Variants in FNIP2 observed in about 807,000 individuals in gnomAD.
FNIP2 encodes folliculin interacting protein 2.
FNIP2 carries 32 observed loss-of-function variants against 108.7 expected under a neutral mutation model. The observed-to-expected ratio is 0.29, with a 90% CI of 0.22 to 0.40. FNIP2 has a LOEUF of 0.40. Among genes scored for constraint, FNIP2 ranks in the 10% least tolerant of loss-of-function variants. FNIP2 has a pLI of 1.00. For synonymous variants in FNIP2, 480 were observed against 496.7 expected (o/e 0.97, Z 0.45); for missense variants, 1,202 against 1,381.6 (o/e 0.87, Z 2.06).
intron 14 of FNIP2, among the ~76,000 whole-genome samples, chr4:158,878,899 G>A (rs1168964630): frequency 1.5e-5 from 2 of 134,806 alleles, no homozygotes; most frequent in Non-Finnish European, 3.2e-5. Context: ...TTGAAAAATA[G>A]TCCCTGAAAT....
chr4:158,824,262 T>G (rs1046892115), intron 1 of FNIP2, among the ~76,000 whole-genome samples: 1 of 152,236 alleles, frequency 6.6e-6, no homozygotes, highest in African/African-American at 2.4e-5. Flanking sequence ...GAGGGCAGCC[T>G]TAATATTCTC....
chr4:158,869,868 C>T (rs1780834739), intron 13 of FNIP2, among the ~76,000 whole-genome samples: 1 of 152,226 alleles, frequency 6.6e-6, no homozygotes, highest in African/African-American at 2.4e-5. Context: ...GGAAACAACA[C>T]CTCTTTCTTA....
At chr4:158,835,604 C>G in intron 7 of FNIP2, 128 bp downstream of exon 7, 1 of 733,816 alleles carries the variant, frequency 1.4e-6, no homozygotes, top group Non-Finnish European at 2.3e-6. Context: ...CTAAGATAGT[C>G]TGACATATCT....
chr4:158,867,392 C>T (rs1415752387), intron 12 of FNIP2, among the ~76,000 whole-genome samples: 3 of 152,126 alleles, frequency 2.0e-5, no homozygotes, highest in Admixed American at 6.6e-5. Context: ...GGGGTTTTGC[C>T]ATGTTGGCCA....
At chr4:158,809,808 G>A (rs1049257445) in intron 1 of FNIP2, among the ~76,000 whole-genome samples, 1 of 152,148 alleles carries the variant, frequency 6.6e-6, no homozygotes, top group Non-Finnish European at 1.5e-5. Context: ...GAATTCAGAA[G>A]AAATTCTCTG....
At chr4:158,796,024 G>A (rs747585679) in intron 1 of FNIP2, 27 of 112,832 alleles carry the variant, frequency 2.4e-4, no homozygotes, top group African/African-American at 8.8e-4. Flanking sequence ...GTTGTTCCAA[G>A]GTATAGCCAA....
At chr4:158,876,495 A>G (rs1277138300) in intron 14 of FNIP2, among the ~76,000 whole-genome samples, 1 of 152,166 alleles carries the variant, frequency 6.6e-6, no homozygotes, top group East Asian at 1.9e-4. Context: ...CTATCAGATT[A>G]TGCTTTCTTT....
intron 13 of FNIP2, among the ~76,000 whole-genome samples, 156 bp downstream of exon 13, chr4:158,869,584 C>T (rs939384222): frequency 2.0e-5 from 3 of 152,188 alleles, no homozygotes; most frequent in East Asian, 3.8e-4. Context: ...TCTATACAAA[C>T]GGTTTCCCAC....
At chr4:158,827,985 G>GA (rs1012755110) in intron 2 of FNIP2, among the ~76,000 whole-genome samples, 19 of 146,064 alleles carry the variant, frequency 1.3e-4, no homozygotes, top group African/African-American at 2.5e-4. Flanking sequence ...GCTACACAAG[G>GA]AAAAAAAAAA....
At chr4:158,772,857 A>G (rs765636521) in intron 1 of FNIP2, among the ~76,000 whole-genome samples, 1 of 152,220 alleles carries the variant, frequency 6.6e-6, no homozygotes, top group Non-Finnish European at 1.5e-5. Context: ...AATAAAGAGC[A>G]GACAACACAT....
chr4:158,904,388 T>G, intron 16 of FNIP2, 78 bp from the exon 17 acceptor site: 1 of 1,308,300 alleles, frequency 7.6e-7, no homozygotes, highest in Non-Finnish European at 1.1e-6. Flanking sequence ...AATAATACTT[T>G]CTCATAAAAA....
chr4:158,896,170 T>A (rs1486545188), intron 16 of FNIP2, among the ~76,000 whole-genome samples: 4 of 152,200 alleles, frequency 2.6e-5, no homozygotes, highest in African/African-American at 4.8e-5. Flanking sequence ...TTCTAGTAAC[T>A]GAATAAGATG....
At chr4:158,864,750 T>A (rs1431032478) in intron 12 of FNIP2, among the ~76,000 whole-genome samples, 19 of 151,580 alleles carry the variant, frequency 1.3e-4, no homozygotes, top group Admixed American at 1.2e-3. Context: ...TTCTCCCTCT[T>A]CCTCCCTCTT....
At chr4:158,843,931 T>C (rs1342470142) in intron 7 of FNIP2, among the ~76,000 whole-genome samples, 3 of 152,230 alleles carry the variant, frequency 2.0e-5, no homozygotes, top group Admixed American at 2.0e-4. Flanking sequence ...GGTCCTGCCC[T>C]GATCATTTGC....
chr4:158,830,545 A>T (rs201572911), intron 3 of FNIP2, among the ~76,000 whole-genome samples: 2 of 151,808 alleles, frequency 1.3e-5, no homozygotes, highest in East Asian at 3.9e-4. Context: ...CACAGGCGTG[A>T]GCCACCGCGC....
intron 12 of FNIP2, among the ~76,000 whole-genome samples, chr4:158,863,913 A>C (rs1469653275): frequency 6.6e-6 from 1 of 152,236 alleles, no homozygotes; most frequent in Non-Finnish European, 1.5e-5. Context: ...AATATAAGTT[A>C]AAATGTGTGA....
intron 7 of FNIP2, among the ~76,000 whole-genome samples, chr4:158,840,407 T>C (rs1288564867): frequency 1.3e-5 from 2 of 152,122 alleles, no homozygotes; most frequent in African/African-American, 4.8e-5. Flanking sequence ...GTTGTTGTTT[T>C]TTTTTTGAGA....
At position 158,769,104 on chromosome 4, in the gene FNIP2, TG is replaced by T; in HGVS notation, c.-106del. ...CAGCGGCCCCGCGCTCCCGCAAGGC[TG>T]GGCGGCCGCGCCGCCGCGATGGCCC... is the stretch of plus-strand genomic sequence containing the variant. On this transcript the variant is annotated 5_prime_UTR_variant, in exon 1 of 17. Coordinates refer to ENST00000264433, the MANE Select transcript of FNIP2 (RefSeq NM_020840.3). The T allele has an allele frequency of 3.6e-6, 1 of 278,150 alleles. No homozygotes were observed. The highest frequency in any genetic ancestry group is 5.4e-6 in the Non-Finnish European group (1 of 186,302). 17.2% of individuals were successfully genotyped at this position (278,150 alleles called of 1,614,324 possible). A position where few individuals can be genotyped will look rare whatever the true frequency, so the allele number is the denominator to read the frequency against.
intron 14 of FNIP2, among the ~76,000 whole-genome samples, chr4:158,879,370 G>A (rs1250516332): frequency 6.6e-6 from 1 of 150,666 alleles, no homozygotes; most frequent in African/African-American, 2.5e-5. Flanking sequence ...CCAGGGTGCT[G>A]AGAACGTGCG....
Sources: gnomAD v4.1 joint callset for allele counts (sites outside exome capture counted in the v4.1 genomes callset) on GRCh38, gnomAD v4.1.1 for gene constraint, MANE v1.5 for transcripts, NCBI Gene and HGNC (gene_info 2026-07-23, HGNC 2026-07-21) for gene names.